Variants in MDGA2 observed in about 807,000 individuals in gnomAD.
The protein encoded by MDGA2 is MAM domain containing glycosylphosphatidylinositol anchor 2.
MDGA2 carries 40 observed loss-of-function variants against 117.8 expected under a neutral mutation model. The ratio of observed to expected loss-of-function variants is 0.34; its 90% CI spans 0.26 to 0.44. The LOEUF is 0.44. Ranked by LOEUF, MDGA2 falls within the 20% of genes least tolerant of loss-of-function variation. The probability of loss-of-function intolerance (pLI) is 1.00; values close to 1 mark genes in which losing one functional copy is unlikely to be tolerated. For synonymous variants in MDGA2, 452 were observed against 439.0 expected, an observed-to-expected ratio of 1.03 and a Z score of -0.37; for missense variants, 1,123 against 1,250.6, an observed-to-expected ratio of 0.90 and a Z score of 1.54.
intron 1 of MDGA2, among the ~76,000 whole-genome samples, chr14:47,542,029 G>C (rs561695145): frequency 2.0e-5 from 3 of 151,958 alleles, no homozygotes; most frequent in African/African-American, 7.3e-5. Flanking sequence ...AACACAAAAG[G>C]GAAAGAAGAA....
chr14:47,664,169 C>G (rs550890879), intron 1 of MDGA2, among the ~76,000 whole-genome samples: 1 of 152,046 alleles, frequency 6.6e-6, no homozygotes, highest in Non-Finnish European at 1.5e-5. Flanking sequence ...ACACGTGCAT[C>G]GAAATACAAT....
chr14:47,129,570 A>G (rs1414263977), intron 5 of MDGA2, among the ~76,000 whole-genome samples: 1 of 148,666 alleles, frequency 6.7e-6, no homozygotes, highest in African/African-American at 2.5e-5. Context: ...ATGTGTCTTT[A>G]TAGCAGCATG....
At chr14:47,536,606 G>A (rs543387252) in intron 1 of MDGA2, among the ~76,000 whole-genome samples, 50 of 152,252 alleles carry the variant, frequency 3.3e-4, no homozygotes, top group Non-Finnish European at 5.9e-4. Flanking sequence ...TATTTATACC[G>A]TTGTAAGAAA....
chr14:46,972,919 C>A (rs569811060), intron 8 of MDGA2, among the ~76,000 whole-genome samples: 2 of 151,986 alleles, frequency 1.3e-5, no homozygotes, highest in African/African-American at 4.8e-5. Flanking sequence ...TCTAAAAACT[C>A]AATAATAAGA....
chr14:47,328,957 C>T (rs17673119), intron 1 of MDGA2, among the ~76,000 whole-genome samples: 50,081 of 152,044 alleles, frequency 0.33, 9,173 homozygotes, highest in Admixed American at 0.52. Context: ...GTAAATAGAG[C>T]AGGAGTCACA....
intron 8 of MDGA2, among the ~76,000 whole-genome samples, chr14:47,001,189 T>C (rs1192920970): frequency 6.6e-6 from 1 of 151,714 alleles, no homozygotes; most frequent in Non-Finnish European, 1.5e-5. Context: ...GAATACAAAA[T>C]ATAAGCAAAT....
chr14:47,565,530 TCCCAA>T (rs1895900611), intron 1 of MDGA2, among the ~76,000 whole-genome samples: 1 of 152,188 alleles, frequency 6.6e-6, no homozygotes, highest in East Asian at 1.9e-4. Flanking sequence ...GAGTCCGCAT[TCCCAA>T]ACCGTTGGTC....
chr14:46,991,967 G>C (rs572422877), intron 8 of MDGA2, among the ~76,000 whole-genome samples: 1 of 152,080 alleles, frequency 6.6e-6, no homozygotes, highest in Non-Finnish European at 1.5e-5. Flanking sequence ...TTTTGTCATG[G>C]ACTCAGAAAA....
intron 6 of MDGA2, among the ~76,000 whole-genome samples, chr14:47,081,251 A>C (rs2138890831): frequency 6.6e-6 from 1 of 152,278 alleles, no homozygotes; most frequent in South Asian, 2.1e-4. Context: ...ATTTTTCAAA[A>C]GTTCATTTCC....
At chr14:46,938,907 T>C (rs768481214) in intron 9 of MDGA2, among the ~76,000 whole-genome samples, 26 of 152,192 alleles carry the variant, frequency 1.7e-4, no homozygotes, top group Admixed American at 3.3e-4. Context: ...GTAGTATATA[T>C]ACACAATGAA....
rs548721531 is a variant in MDGA2 at position 47,076,354 on chromosome 14, T to C, written c.1196-14776A>G. ...CCAATATATACCATATGTAATATTT[T>C]TCATTAATATTCATAATTTCTTGCG... On this transcript the variant is annotated intron_variant, in intron 6 of 16. Transcript: ENST00000399232. Among the ~76,000 whole-genome samples the C allele has an allele frequency of 5.0e-4, 76 of 152,216 alleles. 1 individual carries two copies. In the South Asian group the frequency reaches 0.015, roughly 30 times the overall value.
At chr14:46,876,053 A>C (rs1882215312) in intron 12 of MDGA2, among the ~76,000 whole-genome samples, 1 of 151,590 alleles carries the variant, frequency 6.6e-6, no homozygotes, top group Admixed American at 6.6e-5. Context: ...TGAAAACTAC[A>C]AAAAATGTCA....
chr14:47,122,982 C>T (rs1399126065), intron 5 of MDGA2, among the ~76,000 whole-genome samples: 1 of 151,928 alleles, frequency 6.6e-6, no homozygotes, highest in Non-Finnish European at 1.5e-5. Flanking sequence ...CAATTATAAT[C>T]TAACAGCATA....
intron 1 of MDGA2, among the ~76,000 whole-genome samples, chr14:47,452,883 G>A (rs537497098): frequency 6.6e-6 from 1 of 152,194 alleles, no homozygotes; most frequent in South Asian, 2.1e-4. Context: ...CTAGTGGAAG[G>A]TAGAGACATA....
At chr14:46,867,691 T>C (rs1048838285) in intron 14 of MDGA2, among the ~76,000 whole-genome samples, 2 of 152,098 alleles carry the variant, frequency 1.3e-5, no homozygotes, top group African/African-American at 4.8e-5. Context: ...TGTATTATGG[T>C]TTATCAATAT....
chr14:47,178,103 C>G (rs187079386), intron 3 of MDGA2, among the ~76,000 whole-genome samples: 1 of 151,594 alleles, frequency 6.6e-6, no homozygotes, highest in Non-Finnish European at 1.5e-5. Context: ...GATTCATAAT[C>G]CAAAAATATA....
At position 47,286,837 on chromosome 14, in the gene MDGA2, G is replaced by GTATATATATATA. The variant is rs1340766807; in HGVS notation, c.420+14562_420+14573dup. The stretch of plus-strand genomic sequence containing the variant: ...TATATATATATATACATATATATAT[G>GTATATATATATA]TATATATATATATACTTTACTATGA... On this transcript the variant is annotated intron_variant, in intron 2 of 16. Transcript: ENST00000399232. Among the ~76,000 whole-genome samples, 82 of 97,918 alleles carry GTATATATATATA rather than the reference G, an allele frequency of 8.4e-4. 2 individuals carry two copies. Among genetic ancestry groups the GTATATATATATA allele is most frequent in the African/African-American group, 3.2e-3 (79 of 24,402 alleles). 64.2% of individuals were successfully genotyped at this position (97,918 alleles called of 152,430 possible). A position where few individuals can be genotyped will look rare whatever the true frequency, so the allele number is the denominator to read the frequency against.
rs192561994 is a variant in MDGA2, at chr14:47,320,085, C to T, written c.281-18535G>A. On this transcript the variant is annotated intron_variant, in intron 1 of 16. Transcript: ENST00000399232. ...GAGGTTTGAAGCAGATTCTTCCTTA[C>T]AGCCCTCAGAAGAAACCAACCCTGT... 8.8e-4 allele frequency among the ~76,000 whole-genome samples: 134 copies of T among 152,292 alleles called. 1 individual carries two copies. Among genetic ancestry groups the T allele is most frequent in the African/African-American group, 3.0e-3 (124 of 41,574 alleles).
intron 3 of MDGA2, among the ~76,000 whole-genome samples, chr14:47,167,224 G>A (rs944922853): frequency 7.9e-5 from 12 of 151,776 alleles, no homozygotes. Context: ...ATTTTTTAAA[G>A]TAACTGGATA....
Sources: gnomAD v4.1 joint callset for allele counts (sites outside exome capture counted in the v4.1 genomes callset) on GRCh38, gnomAD v4.1.1 for gene constraint, MANE v1.5 for transcripts, NCBI Gene and HGNC (gene_info 2026-07-23, HGNC 2026-07-21) for gene names.